The following TRPA1 variants were observed in gnomAD, a reference collection of about 807,000 sequenced individuals.
TRPA1 encodes the protein transient receptor potential cation channel subfamily A member 1.
In TRPA1, 129 loss-of-function variants were observed where a neutral mutation model predicts 131.3. That is an observed-to-expected ratio of 0.98 (90% CI 0.85 to 1.14). The LOEUF (loss-of-function observed/expected upper bound fraction) is 1.14. Among genes scored for constraint, TRPA1 ranks in the 50% most tolerant of loss-of-function variants. The pLI, the probability that TRPA1 is intolerant of heterozygous loss-of-function variation, is 0.00. For synonymous variants in TRPA1, 441 were observed against 451.7 expected (o/e 0.98, Z 0.30); for missense variants, 1,304 against 1,354.2 (o/e 0.96, Z 0.58).
rs1259783955 is a variant in TRPA1 at position 72,062,895 on chromosome 8, A to G, written c.711T>C (p.Asn237=). Residue 237 remains asparagine, a synonymous_variant, in exon 6 of 27, where the codon AAT becomes AAC. Coordinates refer to ENST00000262209, the MANE Select transcript of TRPA1 (RefSeq NM_007332.3). The part of the protein sequence containing the change: ...SRQLHINFMN[N]GKATPLHLAV... ...CCAGGTGGAGAGGGGTGGCTTTCCC[A>G]TTATTCATAAAGTTAATGTGCAACT... 6.2e-7 allele frequency: 1 copy of G among 1,613,864 alleles called. No homozygotes were observed. The highest frequency in any genetic ancestry group is 8.5e-7 in the Non-Finnish European group (1 of 1,179,974).
In TRPA1 at chr8:72,075,379, G is replaced by T; in HGVS notation, c.31C>A (p.Pro11Thr). Residue 11 changes from proline to threonine, a missense_variant, in exon 1 of 27, where the codon CCT becomes ACT. By Grantham distance (38) the Pro-to-Thr change is conservative. Coordinates refer to ENST00000262209, the MANE Select transcript of TRPA1 (RefSeq NM_007332.3). MKRSLRKMWR[P>T]GEKKEPQGVV... The stretch of plus-strand genomic sequence containing the variant: ...CCCTGGGGCTCCTTCTTTTCTCCAG[G>T]GCGCCACATCTTCCTCAGGCTGCGC... 1 of 1,610,948 alleles carries T rather than the reference G, an allele frequency of 6.2e-7. No homozygotes were observed.
rs754048309 is a variant in TRPA1, at chr8:72,036,475, A to G, written c.2386-18T>C. 6.2e-7 allele frequency: 1 copy of G among 1,606,410 alleles called. No homozygotes were observed. Among genetic ancestry groups the G allele is most frequent in the South Asian group, 1.1e-5 (1 of 90,810 alleles). On this transcript the variant is annotated intron_variant, in intron 20 of 26. Coordinates refer to ENST00000262209, the MANE Select transcript of TRPA1 (RefSeq NM_007332.3). ...TTCCTTTTCTGGGATAGAAAAGAAT[A>G]AAAAATTACCACATATAGAGACCTA...
In TRPA1 at chr8:72,069,270, A is replaced by G. The variant is rs985819379; in HGVS notation, c.269-72T>C. The G allele has an allele frequency of 4.1e-6, 6 of 1,457,660 alleles. No individual in the cohort carries two copies. The African/African-American group carries it at 8.4e-5, about 20-fold the overall frequency. 90.3% of individuals were successfully genotyped at this position (1,457,660 alleles called of 1,614,324 possible). On this transcript the variant is annotated intron_variant, in intron 2 of 26. Transcript: ENST00000262209. Reference sequence around the variant, plus strand: ...TTCAACACCTCCTGAGTGCCTATACACTATAAAACTCAGTGCCAAGTGCAA... The same window carrying G: ...TTCAACACCTCCTGAGTGCCTATACGCTATAAAACTCAGTGCCAAGTGCAA...
intron 15 of TRPA1, among the ~76,000 whole-genome samples, chr8:72,048,609 G>C (rs1805410154): frequency 6.6e-6 from 1 of 152,068 alleles, no homozygotes; most frequent in Non-Finnish European, 1.5e-5. Flanking sequence ...TAAAGGATGG[G>C]CTGTCTTGGG....
chr8:72,071,780 A>G lies in TRPA1; in HGVS notation c.199T>C (p.Leu67=). The part of the protein sequence containing the change: ...KRCDDMDTFF[L]HYAAAEGQIE... ...TGGCCTTCTGCTGCAGCATAATGCA[A>G]GAAGAAGGTGTCCATATCGTCACAT... is the stretch of plus-strand genomic sequence containing the variant. The change falls in exon 2 of 27, where the codon TTG becomes CTG. Residue 67 remains leucine (L), a synonymous_variant. Transcript: ENST00000262209. The G allele has an allele frequency of 6.2e-7, 1 of 1,613,726 alleles. No homozygotes were observed. The highest frequency in any genetic ancestry group is 8.5e-7 in the Non-Finnish European group (1 of 1,179,864).
At chr8:72,052,120 C>A (rs143296890) in intron 14 of TRPA1, among the ~76,000 whole-genome samples, 212 of 152,280 alleles carry the variant, frequency 1.4e-3, no homozygotes, top group African/African-American at 4.9e-3. Flanking sequence ...TATTTACCCA[C>A]ACAAATTAAA....
rs764358723 is a variant in TRPA1 at position 72,055,783 on chromosome 8, G to C, written c.1267C>G (p.Gln423Glu). Residue 423 changes from glutamine to glutamate, a missense_variant, in exon 11 of 27, where the codon CAG becomes GAG. Transcript: ENST00000262209. ...GCTPLHYACRQGGPGSVNNLL... is the reference protein window; with the variant it reads ...GCTPLHYACREGGPGSVNNLL... ...TTATTTACAGAACCAGGGCCCCCCT[G>C]TCTACATGCATAATGTAGAGGAGTA... 2.5e-6 allele frequency: 4 copies of C among 1,610,688 alleles called. No individual in the cohort carries two copies. The highest frequency in any genetic ancestry group is 1.7e-6 in the Non-Finnish European group (2 of 1,177,162).
intron 2 of TRPA1, among the ~76,000 whole-genome samples, chr8:72,070,163 G>A (rs7011431): frequency 0.3 from 45,184 of 152,102 alleles, 7,065 homozygotes; most frequent in Middle Eastern, 0.44. Flanking sequence ...ATATCTTTAC[G>A]TCCAGGAAAG....
At chr8:72,034,945 C>T (rs937138608) in intron 21 of TRPA1, among the ~76,000 whole-genome samples, 14 of 152,268 alleles carry the variant, frequency 9.2e-5, no homozygotes, top group African/African-American at 3.4e-4. Flanking sequence ...AAAATGCTGC[C>T]AAATGCTTAA....
chr8:72,069,244 A>G, intron 2 of TRPA1, 46 bp from the exon 3 acceptor site: 1 of 1,589,696 alleles, frequency 6.3e-7, no homozygotes, highest in African/African-American at 1.3e-5. Context: ...CTTAGACTGT[A>G]TTCAACACCT....
intron 19 of TRPA1, 37 bp from the exon 20 acceptor site, chr8:72,038,109 G>T: frequency 1.9e-6 from 2 of 1,036,486 alleles, no homozygotes; most frequent in Non-Finnish European, 2.9e-6. Context: ...AGTTATGAGA[G>T]ATATAAAACA....
At position 72,055,767 on chromosome 8, in the gene TRPA1, G is replaced by A. The variant is rs993867568; in HGVS notation, c.1283C>T (p.Ser428Phe). The change falls in exon 11 of 27, where the codon TCT becomes TTT. Residue 428 changes from serine to phenylalanine, a missense_variant. By Grantham distance (155) the Ser-to-Phe change is radical (BLOSUM62 -2). Transcript: ENST00000262209. ...ATTAAAGCCAAGTAGGTTATTTACA[G>A]AACCAGGGCCCCCCTGTCTACATGC... is the stretch of plus-strand genomic sequence containing the variant. ...HYACRQGGPGSVNNLLGFNVS... is the reference protein window; with the variant it reads ...HYACRQGGPGFVNNLLGFNVS... 10 of 1,612,608 alleles carry A rather than the reference G, an allele frequency of 6.2e-6. No homozygotes were observed. The highest frequency in any genetic ancestry group is 8.5e-6 in the Non-Finnish European group (10 of 1,179,028).
At chr8:72,049,761 C>T (rs1427593822) in intron 15 of TRPA1, among the ~76,000 whole-genome samples, 2 of 152,000 alleles carry the variant, frequency 1.3e-5, no homozygotes, top group Non-Finnish European at 2.9e-5. Flanking sequence ...AGCTTTTTTC[C>T]ATTGTTCTTG....
At chr8:72,050,682 C>A in intron 15 of TRPA1, 96 bp downstream of exon 15, 1 of 873,374 alleles carries the variant, frequency 1.1e-6, no homozygotes. Context: ...AAATGAGAAG[C>A]TTTGTTTAAA....
chr8:72,075,629 G>A, upstream of TRPA1: 1 of 568,108 alleles, frequency 1.8e-6, no homozygotes, highest in Non-Finnish European at 3.2e-6. Flanking sequence ...CAGGAAGCAG[G>A]CGGGGCGCGG....
intron 17 of TRPA1, among the ~76,000 whole-genome samples, chr8:72,045,340 A>C (rs1181245964): frequency 6.6e-6 from 1 of 151,740 alleles, no homozygotes; most frequent in Non-Finnish European, 1.5e-5. Context: ...AACTCATTGA[A>C]GGTGAATAAA....
In TRPA1 at chr8:72,053,019, G is replaced by A. The variant is rs1258811038; in HGVS notation, c.1645-254C>T. 1.8e-4 allele frequency: 62 copies of A among 337,140 alleles called. 1 individual carries two copies. The highest frequency in any genetic ancestry group is 1.2e-3 in the African/African-American group (57 of 45,780). 20.9% of individuals were successfully genotyped at this position (337,140 alleles called of 1,614,324 possible). On this transcript the variant is annotated intron_variant, in intron 13 of 26. Coordinates refer to ENST00000262209, the MANE Select transcript of TRPA1 (RefSeq NM_007332.3). Reference sequence around the variant, plus strand: ...TGAGAGATAGAGAAAGAGAGAGAGAGAGAGAGAGAGAGAGAGAGAGAGAGA... The same window carrying A: ...TGAGAGATAGAGAAAGAGAGAGAGAAAGAGAGAGAGAGAGAGAGAGAGAGA...
intron 15 of TRPA1, 37 bp downstream of exon 15, chr8:72,050,741 C>T (rs1805481857): frequency 7.4e-7 from 1 of 1,343,806 alleles, no homozygotes; most frequent in East Asian, 2.3e-5. Context: ...ATATGTCAAG[C>T]ATAAACCCGG....
At chr8:72,045,577 A>G (rs1812401692) in intron 17 of TRPA1, among the ~76,000 whole-genome samples, 1 of 149,280 alleles carries the variant, frequency 6.7e-6, no homozygotes. Flanking sequence ...TAGATAGCCC[A>G]AATCTAGACC....
Sources: allele counts gnomAD v4.1 joint callset (sites outside exome capture counted in the v4.1 genomes callset), GRCh38; gene constraint gnomAD v4.1.1; transcripts MANE v1.5; gene names NCBI Gene and HGNC (gene_info 2026-07-23, HGNC 2026-07-21).